Variants in C12orf42 observed in about 807,000 individuals in gnomAD.
The protein encoded by C12orf42 is chromosome 12 open reading frame 42.
Under a neutral mutation model 21.6 loss-of-function variants are expected in C12orf42, and 25 were observed. The observed-to-expected ratio is 1.16, with a 90% CI of 0.84 to 1.62. The LOEUF (loss-of-function observed/expected upper bound fraction) is 1.62. Ranked by LOEUF, C12orf42 falls within the 40% of genes most tolerant of loss-of-function variation. C12orf42 has a pLI of 0.00. For missense variants in C12orf42, 483 were observed against 459.3 expected (o/e 1.05, Z -0.47); for synonymous variants, 174 against 175.0 (o/e 0.99, Z 0.05).
rs529947992 is a variant in C12orf42, at chr12:103,416,269, T to A, written c.79-14594A>T. Among the ~76,000 whole-genome samples, 27 of 151,940 alleles carry A rather than the reference T, an allele frequency of 1.8e-4. No individual in the cohort carries two copies. The South Asian group carries it at 5.4e-3, about 30-fold the overall frequency. ...TTGTGACTCCCAGTTTTTCAGTTGA[T>A]TTGGAGAGCTGGTGAAGCTCGCAAA... is the stretch of plus-strand genomic sequence containing the variant. On this transcript the variant is annotated intron_variant, in intron 2 of 5. Coordinates refer to ENST00000548883, the MANE Select transcript of C12orf42 (RefSeq NM_198521.5).
At chr12:103,493,969 T>G (rs1386861644) in intron 1 of C12orf42, among the ~76,000 whole-genome samples, 2 of 152,198 alleles carry the variant, frequency 1.3e-5, no homozygotes, top group Admixed American at 6.5e-5. Context: ...CAATATTCAC[T>G]AGTGTAAGAA....
At chr12:103,069,381 C>T in the C12orf42 span, among the ~76,000 whole-genome samples, 3 of 151,908 alleles carry the variant, frequency 2.0e-5, no homozygotes, top group African/African-American at 7.3e-5. Flanking sequence ...TTATCATGAC[C>T]CAAATATGCA....
the C12orf42 span, among the ~76,000 whole-genome samples, chr12:103,513,593 A>C: frequency 6.6e-6 from 1 of 152,366 alleles, no homozygotes; most frequent in South Asian, 2.1e-4. Flanking sequence ...CTCAGATTAG[A>C]AAATGGGGTC....
chr12:103,498,923 C>T (rs952817739), upstream of C12orf42, among the ~76,000 whole-genome samples: 13 of 151,810 alleles, frequency 8.6e-5, no homozygotes, highest in South Asian at 2.1e-4. Flanking sequence ...AATGCATGCT[C>T]GGCTTAATAC....
chr12:103,484,901 T>A, intron 1 of C12orf42, among the ~76,000 whole-genome samples: 1 of 133,398 alleles, frequency 7.5e-6, no homozygotes, highest in African/African-American at 2.7e-5. Flanking sequence ...AAGGAGTCTC[T>A]CTCTGTCGCC....
chr12:103,221,174 A>G, the C12orf42 span, among the ~76,000 whole-genome samples: 1 of 152,382 alleles, frequency 6.6e-6, no homozygotes, highest in Admixed American at 6.5e-5. Context: ...AGAGGATTAT[A>G]GAACATTTCA....
At chr12:103,518,291 G>A in the C12orf42 span, among the ~76,000 whole-genome samples, 1 of 152,186 alleles carries the variant, frequency 6.6e-6, no homozygotes, top group Non-Finnish European at 1.5e-5. Flanking sequence ...GGGCCAAGGA[G>A]CCAGAAACTG....
intron 3 of C12orf42, among the ~76,000 whole-genome samples, chr12:103,394,862 G>T (rs1167937109): frequency 6.6e-6 from 1 of 152,202 alleles, no homozygotes; most frequent in East Asian, 1.9e-4. Flanking sequence ...GGGGAAGACA[G>T]GTGGGAGATA....
At chr12:103,308,626 A>G (rs2038618993) in intron 4 of C12orf42, among the ~76,000 whole-genome samples, 1 of 152,202 alleles carries the variant, frequency 6.6e-6, no homozygotes, top group Non-Finnish European at 1.5e-5. Flanking sequence ...TGTTAAGCAG[A>G]CTTGTCTGGA....
At chr12:103,054,434 C>G in the C12orf42 span, among the ~76,000 whole-genome samples, 2 of 151,758 alleles carry the variant, frequency 1.3e-5, no homozygotes, top group African/African-American at 4.8e-5. Context: ...TATTTTATAT[C>G]CTGCAACCTT....
intron 2 of C12orf42, among the ~76,000 whole-genome samples, chr12:103,472,638 C>A (rs1263241961): frequency 6.6e-6 from 1 of 152,126 alleles, no homozygotes; most frequent in African/African-American, 2.4e-5. Flanking sequence ...CTGGCCCAAT[C>A]TCAGCACTTA....
the C12orf42 span, among the ~76,000 whole-genome samples, chr12:103,221,897 C>A: frequency 6.6e-6 from 1 of 152,278 alleles, no homozygotes; most frequent in South Asian, 2.1e-4. Context: ...CAGGATTTGT[C>A]TTCTTCATTG....
At chr12:103,244,311 C>G (rs2033907343) in intron 10 of C12orf42, among the ~76,000 whole-genome samples, 1 of 151,954 alleles carries the variant, frequency 6.6e-6, no homozygotes, top group South Asian at 2.1e-4. Flanking sequence ...TTAACTGCTC[C>G]AAACACCCAC....
the C12orf42 span, among the ~76,000 whole-genome samples, chr12:103,513,155 C>T: frequency 7.0e-4 from 107 of 152,182 alleles, no homozygotes; most frequent in Non-Finnish European, 1.2e-3. Flanking sequence ...GCAGGTGTTC[C>T]GGAGCTGGCA....
intron 4 of C12orf42, among the ~76,000 whole-genome samples, chr12:103,295,173 T>C (rs1198410878): frequency 1.3e-5 from 2 of 152,190 alleles, no homozygotes; most frequent in Non-Finnish European, 2.9e-5. Flanking sequence ...GAGTCTTCTC[T>C]TGACAACAAC....
At chr12:103,175,888 G>A in the C12orf42 span, among the ~76,000 whole-genome samples, 1 of 152,126 alleles carries the variant, frequency 6.6e-6, no homozygotes, top group East Asian at 1.9e-4. Flanking sequence ...AAAGCAGCCA[G>A]GATAACTACA....
chr12:103,066,027 G>C, the C12orf42 span, among the ~76,000 whole-genome samples: 1 of 152,180 alleles, frequency 6.6e-6, no homozygotes, highest in Non-Finnish European at 1.5e-5. Context: ...TAGGGATGCT[G>C]TTTGGAGTCT....
chr12:103,559,984 A>C, the C12orf42 span, among the ~76,000 whole-genome samples: 1 of 152,232 alleles, frequency 6.6e-6, no homozygotes, highest in African/African-American at 2.4e-5. Context: ...AGGGGGAAAA[A>C]TGCCTCAAAA....
intron 2 of C12orf42, among the ~76,000 whole-genome samples, chr12:103,403,290 G>A (rs2048165985): frequency 6.6e-6 from 1 of 151,842 alleles, no homozygotes. Flanking sequence ...GCAGGGGAAT[G>A]GCGTGAACCT....
Sources: allele counts gnomAD v4.1 joint callset (sites outside exome capture counted in the v4.1 genomes callset), GRCh38; gene constraint gnomAD v4.1.1; transcripts MANE v1.5; gene names NCBI Gene and HGNC (gene_info 2026-07-23, HGNC 2026-07-21).